GRIP1: variants seen among roughly 807,000 people sequenced by gnomAD.
GRIP1 encodes the protein glutamate receptor interacting protein 1.
A neutral mutation model predicts 129.9 loss-of-function variants in GRIP1; 45 were observed. The observed-to-expected ratio is 0.35, with a 90% CI of 0.27 to 0.44. The LOEUF is 0.44. Ranked by LOEUF, GRIP1 falls within the 20% of genes least tolerant of loss-of-function variation. The pLI, the probability that GRIP1 is intolerant of heterozygous loss-of-function variation, is 1.00. For synonymous variants in GRIP1, 530 were observed against 520.8 expected (o/e 1.02, Z -0.24); for missense variants, 1,196 against 1,396.8 (o/e 0.86, Z 2.29).
intron 1 of GRIP1, among the ~76,000 whole-genome samples, chr12:66,895,464 T>A (rs1304856130): frequency 1.3e-5 from 2 of 152,184 alleles, no homozygotes; most frequent in African/African-American, 2.4e-5. Flanking sequence ...CTTTATAAAT[T>A]ACCCAGCCTC....
At chr12:66,980,802 C>T (rs972864586) in intron 1 of GRIP1, among the ~76,000 whole-genome samples, 1 of 152,186 alleles carries the variant, frequency 6.6e-6, no homozygotes, top group Non-Finnish European at 1.5e-5. Context: ...AATAGTGTCT[C>T]TATTACAAAT....
chr12:66,854,050 T>C (rs1355763039), intron 1 of GRIP1, among the ~76,000 whole-genome samples: 1 of 152,062 alleles, frequency 6.6e-6, no homozygotes, highest in Non-Finnish European at 1.5e-5. Flanking sequence ...GGAGAATTTA[T>C]GAGCAGGAGA....
intron 1 of GRIP1, among the ~76,000 whole-genome samples, chr12:67,016,902 T>G (rs1012052813): frequency 6.6e-6 from 1 of 152,186 alleles, no homozygotes; most frequent in Non-Finnish European, 1.5e-5. Context: ...AATCAAAGGT[T>G]AGTAAAAGAT....
chr12:66,811,903 C>A (rs1007552927), intron 1 of GRIP1, among the ~76,000 whole-genome samples: 4 of 151,950 alleles, frequency 2.6e-5, no homozygotes, highest in African/African-American at 9.7e-5. Flanking sequence ...ATTTAAATTT[C>A]TCTTCTTTTC....
chr12:67,052,111 A>G (rs535575074), intron 1 of GRIP1, among the ~76,000 whole-genome samples: 1 of 152,348 alleles, frequency 6.6e-6, no homozygotes, highest in African/African-American at 2.4e-5. Context: ...GGAGGCCTTA[A>G]GTCTGACACA....
At chr12:66,787,276 G>A (rs1419680024) in intron 1 of GRIP1, among the ~76,000 whole-genome samples, 7 of 152,154 alleles carry the variant, frequency 4.6e-5, no homozygotes, top group Non-Finnish European at 1.5e-5. Flanking sequence ...AGTTTAGGAC[G>A]TTTGTTTCCA....
At chr12:66,633,596 G>C (rs1031759346) in intron 1 of GRIP1, among the ~76,000 whole-genome samples, 3 of 151,944 alleles carry the variant, frequency 2.0e-5, no homozygotes, top group Non-Finnish European at 4.4e-5. Flanking sequence ...TTTTCTTTTA[G>C]TCAGTAAAGA....
intron 1 of GRIP1, among the ~76,000 whole-genome samples, chr12:66,874,811 G>T (rs946254367): frequency 3.9e-5 from 6 of 151,914 alleles, no homozygotes; most frequent in African/African-American, 1.5e-4. Context: ...CAACACTGGG[G>T]ATTACTGTTC....
intron 1 of GRIP1, among the ~76,000 whole-genome samples, chr12:66,654,857 T>C (rs1023811015): frequency 2.0e-5 from 3 of 152,176 alleles, no homozygotes; most frequent in Non-Finnish European, 4.4e-5. Flanking sequence ...AAAATTTAAA[T>C]ATTGTAAGTC....
intron 1 of GRIP1, among the ~76,000 whole-genome samples, chr12:67,063,727 A>G (rs1592533251): frequency 6.6e-6 from 1 of 152,242 alleles, no homozygotes; most frequent in Non-Finnish European, 1.5e-5. Context: ...TTTAAAACCC[A>G]TAAGATTCAA....
chr12:66,374,281 G>T (rs137923745), intron 22 of GRIP1, among the ~76,000 whole-genome samples: 3 of 152,004 alleles, frequency 2.0e-5, no homozygotes, highest in Non-Finnish European at 4.4e-5. Flanking sequence ...TCCACCTCCC[G>T]GGTTCAAGCG....
At chr12:66,427,326 G>A (rs1200513656) in intron 14 of GRIP1, among the ~76,000 whole-genome samples, 1 of 151,806 alleles carries the variant, frequency 6.6e-6, no homozygotes, top group African/African-American at 2.4e-5. Context: ...GGTGGGAGAA[G>A]AAGTAAAGGC....
intron 1 of GRIP1, among the ~76,000 whole-genome samples, chr12:66,711,007 G>T (rs1480120079): frequency 6.6e-6 from 1 of 151,644 alleles, no homozygotes; most frequent in East Asian, 1.9e-4. Context: ...TTGTCTTCAG[G>T]CAATCTGTTG....
chr12:66,426,852 T>G (rs1468390441), intron 14 of GRIP1, among the ~76,000 whole-genome samples: 1 of 152,180 alleles, frequency 6.6e-6, no homozygotes, highest in Non-Finnish European at 1.5e-5. Flanking sequence ...AAGAAGGCTC[T>G]CAGTCTCAAC....
At chr12:66,996,950 G>A (rs1422726465) in intron 1 of GRIP1, among the ~76,000 whole-genome samples, 1 of 152,062 alleles carries the variant, frequency 6.6e-6, no homozygotes, top group South Asian at 2.1e-4. Context: ...CATTTCTCAG[G>A]AACTGGGGCA....
chr12:66,603,223 GAAC>G (rs2064361822), intron 1 of GRIP1, among the ~76,000 whole-genome samples: 1 of 150,820 alleles, frequency 6.6e-6, no homozygotes, highest in Non-Finnish European at 1.5e-5. Context: ...TTCATTTTAA[GAAC>G]AAATATAGAG....
At chr12:66,957,994 C>T (rs540841290) in intron 1 of GRIP1, among the ~76,000 whole-genome samples, 12 of 152,002 alleles carry the variant, frequency 7.9e-5, no homozygotes, top group Non-Finnish European at 1.6e-4. Flanking sequence ...TATTTTAGTA[C>T]ACACTCATAA....
chr12:66,428,772 G>A (rs2058060587), intron 14 of GRIP1, among the ~76,000 whole-genome samples: 1 of 152,174 alleles, frequency 6.6e-6, no homozygotes, highest in Non-Finnish European at 1.5e-5. Context: ...TGCCATGCCT[G>A]GTACAAAGTA....
intron 2 of GRIP1, among the ~76,000 whole-genome samples, chr12:66,574,893 T>A (rs536972674): frequency 1.3e-5 from 2 of 151,766 alleles, no homozygotes; most frequent in Non-Finnish European, 2.9e-5. Flanking sequence ...TTATGCCTCA[T>A]CTTCCTGGTA....
Sources: allele counts gnomAD v4.1 joint callset (sites outside exome capture counted in the v4.1 genomes callset), GRCh38; gene constraint gnomAD v4.1.1; transcripts MANE v1.5; gene names NCBI Gene and HGNC (gene_info 2026-07-23, HGNC 2026-07-21).